Variants in NEBL observed in about 807,000 individuals in gnomAD.
NEBL encodes LIM and SH3 protein 2.
A neutral mutation model predicts 140.2 loss-of-function variants in NEBL; 122 were observed. The observed-to-expected ratio is 0.87, with a 90% CI of 0.75 to 1.01. The LOEUF (loss-of-function observed/expected upper bound fraction) is 1.01, where lower values mean the gene tolerates loss of function less well. NEBL is among the 50% of genes least tolerant of loss of function. The pLI is 0.00. For missense variants in NEBL, 1,365 were observed against 1,231.3 expected, an observed-to-expected ratio of 1.11 and a Z score of -1.62; for synonymous variants, 436 against 398.9, an observed-to-expected ratio of 1.09 and a Z score of -1.11.
chr10:20,930,740 G>C (rs566990463), intron 4 of NEBL, among the ~76,000 whole-genome samples: 2 of 152,274 alleles, frequency 1.3e-5, no homozygotes, highest in Admixed American at 6.5e-5. Flanking sequence ...ATGCCAACTG[G>C]AGAGACAAAA....
At chr10:21,292,853 C>A (rs1003633172) in exon 1 of NEBL, among the ~76,000 whole-genome samples, 2 of 152,182 alleles carry the variant, frequency 1.3e-5, no homozygotes, top group African/African-American at 4.8e-5. Context: ...TTTCCACCCA[C>A]GCAGGGAAAC....
upstream of NEBL, among the ~76,000 whole-genome samples, chr10:21,177,312 T>C (rs1841315796): frequency 6.6e-6 from 1 of 152,240 alleles, no homozygotes; most frequent in Non-Finnish European, 1.5e-5. Context: ...TGAGACGGGC[T>C]GAATCATGCC....
intron 3 of NEBL, among the ~76,000 whole-genome samples, chr10:21,009,054 A>G (rs769581624): frequency 2.0e-5 from 3 of 152,114 alleles, no homozygotes; most frequent in Non-Finnish European, 4.4e-5. Context: ...AAATTATCCA[A>G]TTCTAAGGAA....
chr10:20,861,725 C>T (rs1008612451), intron 7 of NEBL, among the ~76,000 whole-genome samples: 6 of 152,174 alleles, frequency 3.9e-5, no homozygotes, highest in African/African-American at 1.4e-4. Context: ...TTTTTGCAAA[C>T]TCTGAGGTTT....
At position 20,849,409 on chromosome 10, in the gene NEBL, T is replaced by C. The variant is rs1468497507; in HGVS notation, c.1116+986A>G. Among the ~76,000 whole-genome samples the C allele has an allele frequency of 2.0e-5, 3 of 152,170 alleles. No individual in the cohort carries two copies. The East Asian group carries it at 5.8e-4, about 29-fold the overall frequency. The stretch of plus-strand genomic sequence containing the variant: ...ATGTGTCCCTTCAAAGTTCGTGTGT[T>C]GAAAACTTCATCCCCAACGCAACAC... On this transcript the variant is annotated intron_variant, in intron 11 of 27. Transcript: ENST00000377122.
intron 2 of NEBL, among the ~76,000 whole-genome samples, chr10:21,099,897 TG>T (rs1365227315): frequency 6.6e-6 from 1 of 152,224 alleles, no homozygotes; most frequent in African/African-American, 2.4e-5. Context: ...TGAACATCTT[TG>T]TAAACACTTA....
rs552796854 is a variant in NEBL, at chr10:20,879,714, A to C, written c.480+1080T>G. ...CTTCAGGTACTTTTCCAAGAAAGGGAGTTTCTTGACCCAAAAAAGATAGGC... is the reference window on the plus strand; with the variant it reads ...CTTCAGGTACTTTTCCAAGAAAGGGCGTTTCTTGACCCAAAAAAGATAGGC... On this transcript the variant is annotated intron_variant, in intron 5 of 27. Coordinates refer to ENST00000377122, the MANE Select transcript of NEBL (RefSeq NM_006393.3). 5.2e-4 allele frequency among the ~76,000 whole-genome samples: 79 copies of C among 152,242 alleles called. 1 individual carries two copies. The highest frequency in any genetic ancestry group is 1.8e-3 in the African/African-American group (74 of 41,542).
chr10:21,183,919 G>A (rs1462184337), intron 3 of NEBL, among the ~76,000 whole-genome samples: 1 of 152,104 alleles, frequency 6.6e-6, no homozygotes, highest in East Asian at 1.9e-4. Context: ...TTTTATTAAG[G>A]GGAGTTTCTT....
intron 4 of NEBL, among the ~76,000 whole-genome samples, chr10:20,949,594 T>C (rs368790819): frequency 1.2e-3 from 177 of 152,308 alleles, no homozygotes; most frequent in Middle Eastern, 0.01. Flanking sequence ...TAAAAACATA[T>C]TTATGAATTT....
intron 3 of NEBL, among the ~76,000 whole-genome samples, chr10:20,965,894 T>C (rs1836291262): frequency 6.6e-6 from 1 of 152,072 alleles, no homozygotes; most frequent in Non-Finnish European, 1.5e-5. Flanking sequence ...TGTTACACAC[T>C]GTTGTCAGAA....
At chr10:21,241,423 G>A (rs915425735) in intron 3 of NEBL, among the ~76,000 whole-genome samples, 1 of 152,094 alleles carries the variant, frequency 6.6e-6, no homozygotes, top group African/African-American at 2.4e-5. Context: ...TCTGCTTCCT[G>A]TAGCTTTTGG....
intron 26 of NEBL, among the ~76,000 whole-genome samples, chr10:20,802,619 G>A (rs985015452): frequency 5.3e-5 from 8 of 152,162 alleles, no homozygotes; most frequent in African/African-American, 1.9e-4. Flanking sequence ...AAATGATGAT[G>A]AAAACTTAAA....
chr10:20,947,123 A>C (rs1386570173), intron 4 of NEBL, among the ~76,000 whole-genome samples: 1 of 152,188 alleles, frequency 6.6e-6, no homozygotes, highest in Non-Finnish European at 1.5e-5. Flanking sequence ...ATACACCTTG[A>C]AAGTCTGTTT....
chr10:21,184,651 G>T (rs369448529), intron 3 of NEBL, among the ~76,000 whole-genome samples: 5 of 152,116 alleles, frequency 3.3e-5, no homozygotes, highest in East Asian at 1.9e-4. Flanking sequence ...AGGTATCAAA[G>T]CTCAAATAAA....
chr10:21,231,415 C>T (rs113586301), intron 3 of NEBL, among the ~76,000 whole-genome samples: 6,121 of 152,148 alleles, frequency 0.04, 192 homozygotes, highest in South Asian at 0.14. Context: ...TGGCACACGC[C>T]TGTAATCCCA....
chr10:21,242,263 T>G (rs985805284), intron 3 of NEBL, among the ~76,000 whole-genome samples: 3 of 152,046 alleles, frequency 2.0e-5, no homozygotes, highest in African/African-American at 7.2e-5. Context: ...ATGTGGTACA[T>G]ACACACCATG....
In NEBL at chr10:20,987,781, A is replaced by C. The variant is rs75328612; in HGVS notation, c.250-26002T>G. The stretch of plus-strand genomic sequence containing the variant: ...AGGAATAAATGGAAGGAGATTTTCC[A>C]GGGCTCCTTCTGTACCAGCACCCCT... On this transcript the variant is annotated intron_variant, in intron 3 of 6. Transcript: ENST00000417816. 7.5e-3 allele frequency among the ~76,000 whole-genome samples: 1,143 copies of C among 152,286 alleles called. 12 individuals carry two copies. The highest frequency in any genetic ancestry group is 0.026 in the African/African-American group (1,089 of 41,558).
intron 2 of NEBL, among the ~76,000 whole-genome samples, chr10:21,044,924 G>C (rs1319891756): frequency 2.0e-5 from 3 of 152,114 alleles, no homozygotes; most frequent in Non-Finnish European, 4.4e-5. Flanking sequence ...ATTACTAAAA[G>C]ACTGATTAAC....
At chr10:20,834,370 C>G (rs1340832576) in intron 14 of NEBL, among the ~76,000 whole-genome samples, 1 of 152,154 alleles carries the variant, frequency 6.6e-6, no homozygotes, top group Non-Finnish European at 1.5e-5. Context: ...TTTTCAAGTT[C>G]CTCATGCTCC....
Sources: allele counts gnomAD v4.1 joint callset (sites outside exome capture counted in the v4.1 genomes callset), GRCh38; gene constraint gnomAD v4.1.1; transcripts MANE v1.5; gene names NCBI Gene and HGNC (gene_info 2026-07-23, HGNC 2026-07-21).